The following CHLSN variants were observed in gnomAD, a reference collection of about 807,000 sequenced individuals.
The protein encoded by CHLSN is protein cholesin.
the CHLSN span, among the ~76,000 whole-genome samples, chr7:1,120,878 A>G: frequency 6.6e-6 from 1 of 151,560 alleles, no homozygotes; most frequent in South Asian, 2.1e-4. Context: ...ACGGATGGAC[A>G]CAGGGCAGCA....
chr7:1,110,636 T>G, the CHLSN span, among the ~76,000 whole-genome samples: 2 of 152,190 alleles, frequency 1.3e-5, no homozygotes, highest in African/African-American at 4.8e-5. Context: ...TCGCGGGGCC[T>G]GTGCGGCCAC....
chr7:1,107,607 C>G, the CHLSN span, among the ~76,000 whole-genome samples: 1 of 152,248 alleles, frequency 6.6e-6, no homozygotes, highest in Non-Finnish European at 1.5e-5. Context: ...CTGGACAGGG[C>G]TCTGAACTCT....
the CHLSN span, among the ~76,000 whole-genome samples, chr7:1,103,512 T>C: frequency 3.3e-5 from 5 of 152,224 alleles, no homozygotes; most frequent in African/African-American, 1.2e-4. Context: ...TTATTTGTAT[T>C]TCCATTTCCC....
chr7:1,013,031 G>T, the CHLSN span, among the ~76,000 whole-genome samples: 1 of 152,206 alleles, frequency 6.6e-6, no homozygotes, highest in Non-Finnish European at 1.5e-5. Context: ...CACAGGCCGC[G>T]GCAGGTCGTG....
the CHLSN span, chr7:1,058,426 C>A: frequency 2.2e-5 from 17 of 780,650 alleles, no homozygotes; most frequent in Non-Finnish European, 3.8e-5. Flanking sequence ...CAGAGCTTCC[C>A]CAGCAAGCTC....
At chr7:997,922 CG>C in the CHLSN span, 1 of 947,538 alleles carries the variant, frequency 1.1e-6, no homozygotes, top group Non-Finnish European at 1.6e-6. Flanking sequence ...CCTCCCACTG[CG>C]GCCCGAGGGT....
At chr7:1,085,789 G>C in the CHLSN span, among the ~76,000 whole-genome samples, 1 of 151,696 alleles carries the variant, frequency 6.6e-6, no homozygotes. Context: ...GCTGAGATCA[G>C]GCCACTGCAC....
the CHLSN span, among the ~76,000 whole-genome samples, chr7:1,060,253 C>T: frequency 6.6e-6 from 1 of 152,130 alleles, no homozygotes; most frequent in Non-Finnish European, 1.5e-5. Context: ...ATTCTAAAGC[C>T]CACAAAGCTC....
At chr7:1,030,189 C>T in the CHLSN span, among the ~76,000 whole-genome samples, 2 of 152,304 alleles carry the variant, frequency 1.3e-5, no homozygotes, top group East Asian at 1.9e-4. Context: ...GCCAACTCCG[C>T]GCATCCACCT....
chr7:1,135,921 GTATATATAAATATATAAGTATATATAAA>G, the CHLSN span, among the ~76,000 whole-genome samples: 11 of 115,316 alleles, frequency 9.5e-5, no homozygotes, highest in African/African-American at 1.5e-4. Flanking sequence ...ATATATATAA[GTATATATAAATATATAAGTATATATAAA>G]TATATATAAA....
At chr7:1,092,952 C>T in the CHLSN span, 25 of 1,196,192 alleles carry the variant, frequency 2.1e-5, no homozygotes, top group South Asian at 1.3e-4. Flanking sequence ...CTCTAAACTG[C>T]GGTCAGATGT....
the CHLSN span, among the ~76,000 whole-genome samples, chr7:1,034,311 A>G: frequency 6.6e-6 from 1 of 152,252 alleles, no homozygotes; most frequent in Non-Finnish European, 1.5e-5. Context: ...GTTAATGGAC[A>G]GAACAGACAG....
At chr7:1,036,802 TTTAGGA>T in the CHLSN span, among the ~76,000 whole-genome samples, 4 of 138,068 alleles carry the variant, frequency 2.9e-5, 1 homozygote, top group Non-Finnish European at 6.7e-5. Context: ...TCGCTGGCCA[TTTAGGA>T]GCTCTGCTCA....
chr7:988,532 C>G, the CHLSN span: 2 of 1,596,448 alleles, frequency 1.3e-6, no homozygotes, highest in Non-Finnish European at 1.7e-6. Context: ...GTTCTGAAGG[C>G]GGCTGTGGTG....
chr7:1,079,349 G>A, the CHLSN span, among the ~76,000 whole-genome samples: 18 of 152,302 alleles, frequency 1.2e-4, no homozygotes, highest in Non-Finnish European at 2.2e-4. Context: ...CAAATCACAC[G>A]AGAATTGTGA....
chr7:987,542 G>A, the CHLSN span: 1 of 1,510,450 alleles, frequency 6.6e-7, no homozygotes, highest in African/African-American at 1.4e-5. Flanking sequence ...GTGGGGCTGG[G>A]CCTCCCTTGC....
At chr7:981,199 G>A in the CHLSN span, among the ~76,000 whole-genome samples, 1 of 151,842 alleles carries the variant, frequency 6.6e-6, no homozygotes, top group South Asian at 2.1e-4. Flanking sequence ...GGGAGGCTGA[G>A]GCAGGAGGAT....
At chr7:1,093,600 T>C in the CHLSN span, 6 of 471,192 alleles carry the variant, frequency 1.3e-5, no homozygotes, top group Non-Finnish European at 2.6e-5. Context: ...ATTGCACTCA[T>C]GTGGACTGGG....
chr7:1,086,758 G>C, the CHLSN span: 1 of 155,148 alleles, frequency 6.4e-6, no homozygotes, highest in South Asian at 1.9e-4. Context: ...GGAGGGGGAA[G>C]GGGGGAGCCC....
Sources: allele counts gnomAD v4.1 joint callset (sites outside exome capture counted in the v4.1 genomes callset), GRCh38; gene constraint gnomAD v4.1.1; transcripts MANE v1.5; gene names NCBI Gene and HGNC (gene_info 2026-07-23, HGNC 2026-07-21).